The following AKAP6 variants were observed in gnomAD, a reference collection of about 807,000 sequenced individuals.
AKAP6 encodes the protein A-kinase anchoring protein 6, also known as A-kinase anchor protein 6.
Under a neutral mutation model 188.5 loss-of-function variants are expected in AKAP6, and 58 were observed. The ratio of observed to expected loss-of-function variants is 0.31; its 90% CI spans 0.25 to 0.38. The LOEUF (loss-of-function observed/expected upper bound fraction) is 0.38. AKAP6 is among the 10% of genes least tolerant of loss of function. The pLI, the probability that AKAP6 is intolerant of heterozygous loss-of-function variation, is 1.00. For missense variants in AKAP6, 2,710 were observed against 2,740.0 expected (o/e 0.99, Z 0.24); for synonymous variants, 989 against 998.6 (o/e 0.99, Z 0.18).
intron 2 of AKAP6, among the ~76,000 whole-genome samples, chr14:32,480,294 T>C (rs1169488834): frequency 6.6e-6 from 1 of 152,128 alleles, no homozygotes; most frequent in Non-Finnish European, 1.5e-5. Flanking sequence ...GGGGTCACAA[T>C]TGAAGAGGAA....
intron 12 of AKAP6, among the ~76,000 whole-genome samples, chr14:32,800,289 C>T (rs2033912035): frequency 6.6e-6 from 1 of 151,084 alleles, no homozygotes; most frequent in Non-Finnish European, 1.5e-5. Context: ...GTAGTCCCAG[C>T]TACTCAGAAG....
intron 12 of AKAP6, among the ~76,000 whole-genome samples, chr14:32,804,234 C>T (rs1267545988): frequency 6.6e-6 from 1 of 152,170 alleles, no homozygotes; most frequent in Non-Finnish European, 1.5e-5. Flanking sequence ...TACCCACTTC[C>T]AGCTGTTCTC....
intron 7 of AKAP6, among the ~76,000 whole-genome samples, chr14:32,650,466 A>C (rs894013646): frequency 2.0e-5 from 3 of 152,042 alleles, no homozygotes; most frequent in Non-Finnish European, 4.4e-5. Flanking sequence ...TACAAAAATT[A>C]GTCGGGTGTG....
In AKAP6 at chr14:32,433,538, C is replaced by T. The variant is rs372380080; in HGVS notation, c.45C>T (p.Asp15=). Residue 15 remains aspartate (D), a synonymous_variant, in exon 2 of 14, where the codon GAC becomes GAT. Coordinates refer to ENST00000280979, the MANE Select transcript of AKAP6 (RefSeq NM_004274.5). The part of the protein sequence containing the change: ...SVTLSPLRSQ[D]LDPMATDASP... ...CACTTTCCCCCCTGAGGTCACAGGACCTGGATCCCATGGCTACTGATGCTT... is the reference window on the plus strand; with the variant it reads ...CACTTTCCCCCCTGAGGTCACAGGATCTGGATCCCATGGCTACTGATGCTT... The T allele has an allele frequency of 3.1e-6, 5 of 1,613,974 alleles. No individual in the cohort carries two copies. The African/African-American group carries it at 5.3e-5, about 17-fold the overall frequency.
In AKAP6 at chr14:32,557,420, A is replaced by C. The variant is rs1025933104; in HGVS notation, c.2346+10421A>C. Among the ~76,000 whole-genome samples, 5 of 152,208 alleles carry C rather than the reference A, an allele frequency of 3.3e-5. No homozygotes were observed. In the South Asian group the frequency reaches 1.0e-3, roughly 31 times the overall value. On this transcript the variant is annotated intron_variant, in intron 4 of 13. Coordinates refer to ENST00000280979, the MANE Select transcript of AKAP6 (RefSeq NM_004274.5). ...CATTATAGCCTACTCTTTTAAAAAA[A>C]GTCCTGTCTAGCCATTATTTACTGG...
intron 11 of AKAP6, among the ~76,000 whole-genome samples, chr14:32,755,840 A>C (rs1264028055): frequency 6.6e-6 from 1 of 152,208 alleles, no homozygotes; most frequent in Non-Finnish European, 1.5e-5. Flanking sequence ...CCAAGAAGAC[A>C]TTTAGGGCCA....
In AKAP6 at chr14:32,824,194, T is replaced by C; in HGVS notation, c.6381T>C (p.Asn2127=). Reference sequence around the variant, plus strand: ...ACAGTGATTGTGGGGAGGTCACCAATTACATAGAAGAGAAAAGCAGCACTC... The same window carrying C: ...ACAGTGATTGTGGGGAGGTCACCAACTACATAGAAGAGAAAAGCAGCACTC... The part of the protein sequence containing the change: ...SHDSDCGEVT[N]YIEEKSSTPL... The change falls in exon 13 of 14, where the codon AAT becomes AAC. Residue 2127 remains asparagine, a synonymous_variant. Transcript: ENST00000280979. The C allele has an allele frequency of 1.2e-6, 2 of 1,613,936 alleles. No individual in the cohort carries two copies. Among genetic ancestry groups the C allele is most frequent in the Non-Finnish European group, 1.7e-6 (2 of 1,179,924 alleles).
chr14:32,599,729 G>C (rs1471433779), intron 6 of AKAP6, among the ~76,000 whole-genome samples: 6 of 151,936 alleles, frequency 3.9e-5, no homozygotes, highest in African/African-American at 1.5e-4. Flanking sequence ...TTTTATTTTG[G>C]GCTGCCGTTT....
intron 4 of AKAP6, among the ~76,000 whole-genome samples, chr14:32,573,123 G>A (rs992620222): frequency 6.6e-6 from 1 of 152,162 alleles, no homozygotes; most frequent in African/African-American, 2.4e-5. Context: ...AGTAATGGAA[G>A]AAGCAGCAGA....
At position 32,824,356 on chromosome 14, in the gene AKAP6, T is replaced by A. The variant is rs1245365484; in HGVS notation, c.6543T>A (p.Val2181=). 6.2e-7 allele frequency: 1 copy of A among 1,613,888 alleles called. No individual in the cohort carries two copies. The highest frequency in any genetic ancestry group is 1.7e-5 in the Admixed American group (1 of 59,910). The change falls in exon 13 of 14, where the codon GTT becomes GTA. Residue 2181 remains valine, a synonymous_variant. Coordinates refer to ENST00000280979, the MANE Select transcript of AKAP6 (RefSeq NM_004274.5). ...GTGCTCCTCCAAATGAATCTGCAGT[T>A]CCCAGCGAAGCTGCAATGCCACTAC... The part of the protein sequence containing the change: ...FSSAPPNESA[V]PSEAAMPLQA...
At chr14:32,576,294 T>C (rs575769661) in intron 4 of AKAP6, among the ~76,000 whole-genome samples, 1 of 152,246 alleles carries the variant, frequency 6.6e-6, no homozygotes, top group South Asian at 2.1e-4. Flanking sequence ...TGGTGCTGTT[T>C]ACCCAGACAC....
At chr14:32,720,959 A>G (rs2030501012) in intron 9 of AKAP6, among the ~76,000 whole-genome samples, 1 of 152,358 alleles carries the variant, frequency 6.6e-6, no homozygotes, top group South Asian at 2.1e-4. Context: ...AAATAAATGA[A>G]ACTTTTACAT....
intron 4 of AKAP6, among the ~76,000 whole-genome samples, chr14:32,574,409 A>G (rs1195858956): frequency 2.0e-5 from 3 of 152,170 alleles, no homozygotes; most frequent in Non-Finnish European, 2.9e-5. Context: ...GGTTTTGTCT[A>G]ATCTGCATCT....
intron 7 of AKAP6, among the ~76,000 whole-genome samples, chr14:32,635,376 G>C (rs770249313): frequency 2.8e-4 from 43 of 151,980 alleles, no homozygotes; most frequent in African/African-American, 1.0e-3. Context: ...TAAGTAACTG[G>C]GGCTCCATAT....
chr14:32,761,812 C>T (rs1303822660), intron 11 of AKAP6, among the ~76,000 whole-genome samples: 1 of 152,052 alleles, frequency 6.6e-6, no homozygotes, highest in Non-Finnish European at 1.5e-5. Context: ...CAAGACTGTC[C>T]TGCATATCCT....
chr14:32,810,224 G>A (rs1176812088), intron 12 of AKAP6, among the ~76,000 whole-genome samples: 1 of 149,568 alleles, frequency 6.7e-6, no homozygotes, highest in Non-Finnish European at 1.5e-5. Context: ...AATTTTAGGA[G>A]ATTAAAATGA....
chr14:32,443,984 G>A (rs1398804766), intron 2 of AKAP6, among the ~76,000 whole-genome samples: 20 of 152,120 alleles, frequency 1.3e-4, no homozygotes, highest in Admixed American at 1.3e-3. Context: ...TTCTTTTCTT[G>A]TCTGGAGCCA....
At chr14:32,466,593 G>C (rs748869651) in intron 2 of AKAP6, among the ~76,000 whole-genome samples, 4 of 151,760 alleles carry the variant, frequency 2.6e-5, no homozygotes, top group African/African-American at 7.3e-5. Flanking sequence ...GGGACAAAGG[G>C]AGGGAGAGCA....
chr14:32,682,995 C>CTTTTTTTTTTTTTTTTTTTTTTT (rs71115090), intron 8 of AKAP6, among the ~76,000 whole-genome samples: 6 of 142,258 alleles, frequency 4.2e-5, no homozygotes, highest in East Asian at 2.2e-4. Flanking sequence ...TTTTTTCTTC[C>CTTTTTTTTTTTTTTTTTTTTTTT]TTTTTTTTTT....
Sources: gnomAD v4.1 joint callset for allele counts (sites outside exome capture counted in the v4.1 genomes callset) on GRCh38, gnomAD v4.1.1 for gene constraint, MANE v1.5 for transcripts, NCBI Gene and HGNC (gene_info 2026-07-23, HGNC 2026-07-21) for gene names.